The following AKAP14 variants were observed in gnomAD, a reference collection of about 807,000 sequenced individuals.
AKAP14 encodes A-kinase anchor protein 14.
Under a neutral mutation model 17.0 loss-of-function variants are expected in AKAP14, and 4 were observed. That is an observed-to-expected ratio of 0.23 (90% CI 0.12 to 0.54). The LOEUF is 0.54. Among genes scored for constraint, AKAP14 ranks in the 20% least tolerant of loss-of-function variants. The pLI is 0.95. For synonymous variants in AKAP14, 42 were observed against 51.3 expected (o/e 0.82, Z 0.77); for missense variants, 129 against 150.9 (o/e 0.85, Z 0.76).
chrX:119,907,030 A>G (rs2147832156), intron 4 of AKAP14, among the ~76,000 whole-genome samples: 1 of 112,239 alleles, frequency 8.9e-6, no homozygotes, highest in South Asian at 3.7e-4. Context: ...GTGTGTGGGT[A>G]TATCAGTGTA....
intron 4 of AKAP14, among the ~76,000 whole-genome samples, chrX:119,910,982 G>A (rs1201044613): frequency 9.4e-6 from 1 of 106,856 alleles, no homozygotes; most frequent in Non-Finnish European, 1.9e-5. Context: ...AATTTTAAAA[G>A]AAATGAACAC....
Position 119,903,289 on chromosome X carries a change from A to G in AKAP14, c.66A>G (p.Gln22=). 2.5e-6 allele frequency: 3 copies of G among 1,212,190 alleles called. No individual in the cohort carries two copies. Among genetic ancestry groups the G allele is most frequent in the Non-Finnish European group, 3.3e-6 (3 of 895,647 alleles). ...AMDEDNKAAS[Q]TMPNTQDKNY... The stretch of plus-strand genomic sequence containing the variant: ...ATGAGGATAACAAAGCCGCAAGCCA[A>G]ACAATGCCGAATACACAAGACAAGA... The change falls in exon 3 of 7, where the codon CAA becomes CAG. Residue 22 remains glutamine (Q), a synonymous_variant. Transcript: ENST00000371431.
chrX:119,906,296 G>A (rs919422384), intron 4 of AKAP14, among the ~76,000 whole-genome samples: 2 of 95,899 alleles, frequency 2.1e-5, no homozygotes, highest in Admixed American at 1.3e-4. Context: ...GTGCAGTGGC[G>A]TGATCTTGGC....
intron 4 of AKAP14, among the ~76,000 whole-genome samples, chrX:119,912,430 A>C (rs757782578): frequency 3.5e-4 from 39 of 111,225 alleles, no homozygotes; most frequent in African/African-American, 1.2e-3. Context: ...AGAAGAATGG[A>C]TAGATTTGAG....
chrX:119,897,742 A>G (rs1316692387), intron 2 of AKAP14, among the ~76,000 whole-genome samples: 1 of 111,298 alleles, frequency 9.0e-6, no homozygotes, highest in Non-Finnish European at 1.9e-5. Context: ...GATCCTGTCT[A>G]CCTCCAGCTG....
intron 2 of AKAP14, among the ~76,000 whole-genome samples, chrX:119,901,736 G>A (rs1354316349): frequency 9.6e-6 from 1 of 104,515 alleles, no homozygotes; most frequent in Non-Finnish European, 1.9e-5. Context: ...CTTAGCCGGC[G>A]CGCTGGCTCA....
At position 119,914,878 on chromosome X, in the gene AKAP14, G is replaced by A. The variant is rs1381247463; in HGVS notation, c.441G>A (p.Pro147=). 4.1e-5 allele frequency: 49 copies of A among 1,199,849 alleles called. No individual in the cohort carries two copies. Among genetic ancestry groups the A allele is most frequent in the Non-Finnish European group, 4.9e-5 (44 of 889,217 alleles). The change falls in exon 5 of 7, where the codon CCG becomes CCA. Residue 147 remains proline (P), a splice_region_variant and synonymous_variant. Transcript: ENST00000371431. ...FTMKVSKTKP[P]DAPIVVSYVG... ...TGAAGGTCTCCAAAACCAAACCACC[G>A]GTAAGTTCTTCTTTTTCTCCCTTCA...
chrX:119,914,464 G>C (rs1255913796), intron 4 of AKAP14, among the ~76,000 whole-genome samples: 1 of 109,834 alleles, frequency 9.1e-6, no homozygotes, highest in Non-Finnish European at 1.9e-5. Context: ...GGGATTACAG[G>C]TGCGTGCCAC....
intron 4 of AKAP14, among the ~76,000 whole-genome samples, chrX:119,910,748 C>T (rs966755478): frequency 2.7e-5 from 3 of 110,551 alleles, no homozygotes; most frequent in African/African-American, 9.8e-5. Context: ...CCACAATCTC[C>T]GCCTCCCGGG....
At chrX:119,910,372 T>C (rs183408960) in intron 4 of AKAP14, among the ~76,000 whole-genome samples, 2 of 111,747 alleles carry the variant, frequency 1.8e-5, no homozygotes, top group African/African-American at 6.5e-5. Context: ...CTGGGACTTG[T>C]TAGACTCTCC....
chrX:119,910,029 C>T (rs1004519370), intron 4 of AKAP14, among the ~76,000 whole-genome samples: 5 of 110,736 alleles, frequency 4.5e-5, no homozygotes, highest in Non-Finnish European at 7.6e-5. Context: ...TGTGGTGGTG[C>T]ATGCCTGTAT....
intron 5 of AKAP14, 114 bp downstream of exon 5, chrX:119,914,992 C>T: frequency 1.3e-6 from 1 of 786,559 alleles, no homozygotes; most frequent in Admixed American, 3.0e-5. Context: ...CTTCTGTCCT[C>T]ATCTTACTGG....
At chrX:119,898,879 G>A (rs1490935227) in intron 2 of AKAP14, among the ~76,000 whole-genome samples, 1 of 105,499 alleles carries the variant, frequency 9.5e-6, no homozygotes, top group Non-Finnish European at 2.0e-5. Context: ...ATGAAAATGT[G>A]AGAATAAGGC....
chrX:119,900,945 A>G (rs2056561948), intron 2 of AKAP14, among the ~76,000 whole-genome samples: 1 of 112,666 alleles, frequency 8.9e-6, no homozygotes, highest in Non-Finnish European at 1.9e-5. Flanking sequence ...GAAAAGATGT[A>G]AAAAACATTG....
intron 4 of AKAP14, 39 bp downstream of exon 4, chrX:119,903,625 T>G: frequency 1.7e-6 from 2 of 1,205,153 alleles, no homozygotes; most frequent in Non-Finnish European, 2.2e-6. Flanking sequence ...TACACCGGTG[T>G]GAAGAACAAT....
At chrX:119,911,406 A>C (rs1032081794) in intron 4 of AKAP14, among the ~76,000 whole-genome samples, 2 of 110,751 alleles carry the variant, frequency 1.8e-5, no homozygotes, top group African/African-American at 6.5e-5. Context: ...CAACGCAGAC[A>C]GTTCCTTATG....
chrX:119,902,943 G>A (rs764672296), intron 2 of AKAP14, among the ~76,000 whole-genome samples: 59 of 111,376 alleles, frequency 5.3e-4, no homozygotes, highest in East Asian at 1.1e-3. Context: ...CGCCCGCCTC[G>A]GGCTCTCAAA....
chrX:119,916,780 C>T (rs747431720), intron 5 of AKAP14, among the ~76,000 whole-genome samples: 1 of 97,662 alleles, frequency 1.0e-5, no homozygotes, highest in African/African-American at 3.6e-5. Flanking sequence ...GGATTACAAG[C>T]GTGAGCCACC....
intron 2 of AKAP14, among the ~76,000 whole-genome samples, chrX:119,898,940 G>C (rs1017966782): frequency 7.6e-4 from 82 of 108,482 alleles, no homozygotes; most frequent in Non-Finnish European, 1.4e-3. Context: ...AGACTGAGGT[G>C]GGTGGATCAG....
Sources: allele counts gnomAD v4.1 joint callset (sites outside exome capture counted in the v4.1 genomes callset), GRCh38; gene constraint gnomAD v4.1.1; transcripts MANE v1.5; gene names NCBI Gene and HGNC (gene_info 2026-07-23, HGNC 2026-07-21).